RAB11FIP2: variants seen among roughly 807,000 people sequenced by gnomAD.
RAB11FIP2 encodes the protein RAB11 family interacting protein 2, also known as rab11 family-interacting protein 2.
Under a neutral mutation model 40.9 loss-of-function variants are expected in RAB11FIP2, and 16 were observed. The ratio of observed to expected loss-of-function variants is 0.39; its 90% CI spans 0.26 to 0.59. The LOEUF (loss-of-function observed/expected upper bound fraction) is 0.59. Among genes scored for constraint, RAB11FIP2 ranks in the 20% least tolerant of loss-of-function variants. RAB11FIP2 has a pLI of 0.53. For missense variants in RAB11FIP2, 532 were observed against 606.2 expected (o/e 0.88, Z 1.28); for synonymous variants, 228 against 213.7 (o/e 1.07, Z -0.58).
chr10:118,042,213 C>T (rs1302166462), intron 1 of RAB11FIP2, among the ~76,000 whole-genome samples: 1 of 151,904 alleles, frequency 6.6e-6, no homozygotes, highest in African/African-American at 2.4e-5. Flanking sequence ...CAAAAATTTG[C>T]AAACAAAAAC....
intron 3 of RAB11FIP2, among the ~76,000 whole-genome samples, chr10:118,021,513 A>G (rs1846282742): frequency 6.6e-6 from 1 of 152,188 alleles, no homozygotes; most frequent in South Asian, 2.1e-4. Flanking sequence ...ACAGTCCATT[A>G]TCTCTTGGAC....
chr10:118,019,215 A>G (rs1846255922), intron 3 of RAB11FIP2, among the ~76,000 whole-genome samples: 1 of 152,188 alleles, frequency 6.6e-6, no homozygotes, highest in Non-Finnish European at 1.5e-5. Flanking sequence ...TACACCTTCC[A>G]TAATATCTCT....
intron 3 of RAB11FIP2, among the ~76,000 whole-genome samples, chr10:118,036,118 A>G (rs899733668): frequency 6.6e-6 from 1 of 152,130 alleles, no homozygotes; most frequent in Non-Finnish European, 1.5e-5. Context: ...TTTTGGGCAT[A>G]AAGAAAATTC....
At position 118,031,460 on chromosome 10, in the gene RAB11FIP2, C is replaced by T. The variant is rs116459993; in HGVS notation, c.1265+7512G>A. On this transcript the variant is annotated intron_variant, in intron 3 of 4. Coordinates refer to ENST00000355624, the MANE Select transcript of RAB11FIP2 (RefSeq NM_014904.3). ...TATGGTGATTTGAAAATTAGAAAGACATTTAAATATACATTCCAGGTAACC... is the reference window on the plus strand; with the variant it reads ...TATGGTGATTTGAAAATTAGAAAGATATTTAAATATACATTCCAGGTAACC... Among the ~76,000 whole-genome samples the T allele has an allele frequency of 3.5e-3, 539 of 152,134 alleles. 3 individuals carry two copies. Among genetic ancestry groups the T allele is most frequent in the African/African-American group, 0.012 (518 of 41,520 alleles).
chr10:118,011,521 G>A (rs1589636612), intron 4 of RAB11FIP2, among the ~76,000 whole-genome samples: 1 of 152,090 alleles, frequency 6.6e-6, no homozygotes, highest in East Asian at 1.9e-4. Context: ...ACAGTAAAGA[G>A]AAGACATAGT....
At position 118,009,191 on chromosome 10, in the gene RAB11FIP2, C is replaced by T. The variant is rs958187622; in HGVS notation, c.1346G>A (p.Arg449His). ...TAGAACCTCTTCATAGGTCAGACTA[C>T]GATACCCTGCAGTGGCATCAAAGGG... ...SNPFDATAGY[R>H]SLTYEEVLQE... Residue 449 changes from arginine to histidine, a missense_variant, in exon 5 of 5, where the codon CGT (arginine) becomes CAT (histidine). Physicochemically the swap from Arg to His is conservative, Grantham distance 29. Coordinates refer to ENST00000355624, the MANE Select transcript of RAB11FIP2 (RefSeq NM_014904.3). 5.0e-6 allele frequency: 8 copies of T among 1,613,382 alleles called. No individual in the cohort carries two copies. The highest frequency in any genetic ancestry group is 3.3e-5 in the South Asian group (3 of 91,066).
intron 3 of RAB11FIP2, among the ~76,000 whole-genome samples, chr10:118,020,614 C>T (rs1270425236): frequency 3.3e-5 from 5 of 152,180 alleles, no homozygotes; most frequent in Non-Finnish European, 5.9e-5. Context: ...CAGCACCGCT[C>T]CCCTGCCTCC....
At chr10:118,024,470 C>CGTGTGT (rs55723398) in intron 3 of RAB11FIP2, among the ~76,000 whole-genome samples, 21,231 of 131,612 alleles carry the variant, frequency 0.16, 2,029 homozygotes, top group Non-Finnish European at 0.2. Flanking sequence ...TCATCATCAT[C>CGTGTGT]GTGTGTGTGT....
At chr10:118,045,233 G>A (rs1302690575) in intron 1 of RAB11FIP2, 2 of 152,254 alleles carry the variant, frequency 1.3e-5, no homozygotes, top group East Asian at 3.8e-4. Flanking sequence ...TCGAAGTTGA[G>A]GATGTCTGTA....
At position 118,046,652 on chromosome 10, in the gene RAB11FIP2, T is replaced by G; in HGVS notation, c.-489A>C. 1 of 153,436 alleles carries G rather than the reference T, an allele frequency of 6.5e-6. No individual in the cohort carries two copies. 9.5% of individuals were successfully genotyped at this position (153,436 alleles called of 1,614,324 possible). A position where few individuals can be genotyped will look rare whatever the true frequency, so the allele number is the denominator to read the frequency against. ...CGGCTCCTCCTCCCGACCCCGGTAATACGAACCGCCGGCGGCTAACGCGGC... is the reference window on the plus strand; with the variant it reads ...CGGCTCCTCCTCCCGACCCCGGTAAGACGAACCGCCGGCGGCTAACGCGGC... On this transcript the variant is annotated 5_prime_UTR_variant, in exon 1 of 5. Transcript: ENST00000355624.
At chr10:118,044,514 T>C (rs775774095) in intron 1 of RAB11FIP2, among the ~76,000 whole-genome samples, 6 of 152,152 alleles carry the variant, frequency 3.9e-5, no homozygotes, top group Non-Finnish European at 8.8e-5. Flanking sequence ...ATCACTGATA[T>C]ATATTAAACT....
chr10:118,014,234 T>TA (rs1490932853), intron 4 of RAB11FIP2, among the ~76,000 whole-genome samples: 1 of 152,054 alleles, frequency 6.6e-6, no homozygotes, highest in Non-Finnish European at 1.5e-5. Flanking sequence ...TGGGATTGCC[T>TA]AAAAAAATTC....
intron 1 of RAB11FIP2, among the ~76,000 whole-genome samples, chr10:118,044,216 T>C (rs1019330210): frequency 6.6e-6 from 1 of 152,178 alleles, no homozygotes; most frequent in African/African-American, 2.4e-5. Flanking sequence ...ACTCCTTGGG[T>C]TCACATTTGG....
intron 3 of RAB11FIP2, among the ~76,000 whole-genome samples, chr10:118,029,613 AAAT>A (rs750613612): frequency 6.6e-6 from 1 of 152,164 alleles, no homozygotes; most frequent in Non-Finnish European, 1.5e-5. Flanking sequence ...AATATTCCAA[AAAT>A]AATAATGAAA....
At chr10:118,040,926 T>C (rs1474711399) in intron 1 of RAB11FIP2, among the ~76,000 whole-genome samples, 1 of 152,078 alleles carries the variant, frequency 6.6e-6, no homozygotes, top group Non-Finnish European at 1.5e-5. Flanking sequence ...GGACATTTTT[T>C]TTTAACATTA....
chr10:118,014,785 T>C (rs1439846442), intron 4 of RAB11FIP2, among the ~76,000 whole-genome samples: 1 of 152,192 alleles, frequency 6.6e-6, no homozygotes, highest in Non-Finnish European at 1.5e-5. Flanking sequence ...TGCATATTAA[T>C]TTCAAAAGTC....
At position 118,008,446 on chromosome 10, in the gene RAB11FIP2, T is replaced by C. The variant is rs994046950; in HGVS notation, c.*552A>G. 1 of 153,660 alleles carries C rather than the reference T, an allele frequency of 6.5e-6. No individual in the cohort carries two copies. The highest frequency in any genetic ancestry group is 2.4e-5 in the African/African-American group (1 of 41,438). 9.5% of individuals were successfully genotyped at this position (153,660 alleles called of 1,614,324 possible). ...CTAACTTTAGAGGCAATCAATTGTT[T>C]CTAAATGTTCTAAAAACACATGTAT... On this transcript the variant is annotated 3_prime_UTR_variant, in exon 5 of 5. Transcript: ENST00000355624.
In RAB11FIP2 at chr10:118,007,430, CAAAATACT is replaced by C. The variant is rs2133158199; in HGVS notation, c.*1560_*1567del. ...GAGCTTGGCCAAGTATTCTCTGATTCAAAATACTAAAATAAGCAAAAAAAAAAAACCCA... is the reference window on the plus strand; with the variant it reads ...GAGCTTGGCCAAGTATTCTCTGATTCAAAATAAGCAAAAAAAAAAAACCCA... On this transcript the variant is annotated 3_prime_UTR_variant, in exon 5 of 5. Transcript: ENST00000355624. The C allele has an allele frequency of 6.8e-6, 1 of 146,858 alleles. No individual in the cohort carries two copies. Among genetic ancestry groups the C allele is most frequent in the African/African-American group, 2.5e-5 (1 of 39,760 alleles). 9.1% of individuals were successfully genotyped at this position (146,858 alleles called of 1,614,324 possible).
In RAB11FIP2 at chr10:118,039,389, A is replaced by C. The variant is rs768425066; in HGVS notation, c.848T>G (p.Met283Arg). The C allele has an allele frequency of 5.6e-6, 9 of 1,613,394 alleles. No homozygotes were observed. The Middle Eastern group carries it at 5.0e-4, about 89-fold the overall frequency. ...RRTLSFDTSK[M>R]NQPDSIVDEG... ...ATCCACAATGCTGTCAGGTTGGTTC[A>C]TTTTAGAAGTATCAAAGCTTAATGT... Residue 283 changes from methionine to arginine, a missense_variant, in exon 3 of 5, where the codon ATG becomes AGG. Met to Arg is a moderately conservative substitution (Grantham distance 91). Transcript: ENST00000355624.
Sources: allele counts gnomAD v4.1 joint callset (sites outside exome capture counted in the v4.1 genomes callset), GRCh38; gene constraint gnomAD v4.1.1; transcripts MANE v1.5; gene names NCBI Gene and HGNC (gene_info 2026-07-23, HGNC 2026-07-21).